Variants in CSNK2A1 observed in about 807,000 individuals in gnomAD.
CSNK2A1 encodes casein kinase 2 alpha 1, also known as casein kinase II subunit alpha.
A neutral mutation model predicts 62.9 loss-of-function variants in CSNK2A1; 10 were observed. The ratio of observed to expected loss-of-function variants is 0.16; its 90% CI spans 0.10 to 0.27. The LOEUF is 0.27. Ranked by LOEUF, CSNK2A1 falls within the 10% of genes least tolerant of loss-of-function variation. The pLI, the probability that CSNK2A1 is intolerant of heterozygous loss-of-function variation, is 1.00. For missense variants in CSNK2A1, 160 were observed against 492.0 expected, an observed-to-expected ratio of 0.33 and a Z score of 6.38; for synonymous variants, 124 against 167.8, an observed-to-expected ratio of 0.74 and a Z score of 2.02.
chr20:526,249 T>C (rs1313412751), intron 2 of CSNK2A1, among the ~76,000 whole-genome samples: 2 of 152,022 alleles, frequency 1.3e-5, no homozygotes, highest in Non-Finnish European at 2.9e-5. Context: ...AGGCAAAGGA[T>C]TGTCTGAGTC....
At chr20:531,849 G>T (rs2019219193) in intron 1 of CSNK2A1, among the ~76,000 whole-genome samples, 1 of 152,222 alleles carries the variant, frequency 6.6e-6, no homozygotes, top group Non-Finnish European at 1.5e-5. Flanking sequence ...GTAGCATTCA[G>T]AGTTAGTCAG....
intron 2 of CSNK2A1, chr20:527,001 C>CACAGAGAG (rs2019107407): frequency 1.0e-5 from 1 of 97,812 alleles, no homozygotes; most frequent in South Asian, 4.1e-4. Flanking sequence ...GAGAGACAGA[C>CACAGAGAG]AGAGAGAGAG....
intron 2 of CSNK2A1, among the ~76,000 whole-genome samples, chr20:525,772 A>G (rs2019072480): frequency 6.9e-6 from 1 of 144,762 alleles, no homozygotes; most frequent in African/African-American, 2.5e-5. Context: ...TGAGCTCAGG[A>G]GTTTGGAGAC....
At chr20:496,593 A>T (rs2018351421) in intron 7 of CSNK2A1, 1 of 152,176 alleles carries the variant, frequency 6.6e-6, no homozygotes, top group African/African-American at 2.4e-5. Flanking sequence ...GGGCAATCAT[A>T]TCTGTAACTT....
chr20:500,822 A>ATTTT (rs2018451309), intron 4 of CSNK2A1: 7 of 151,872 alleles, frequency 4.6e-5, no homozygotes, highest in Non-Finnish European at 1.0e-4. Context: ...TATTTTTAGT[A>ATTTT]GAGACGGGGT....
chr20:493,776 G>C (rs960194279), intron 8 of CSNK2A1, among the ~76,000 whole-genome samples: 11 of 152,222 alleles, frequency 7.2e-5, no homozygotes, highest in African/African-American at 2.6e-4. Context: ...CTGTGTGTTA[G>C]CCCAACCCCT....
intron 1 of CSNK2A1, among the ~76,000 whole-genome samples, chr20:532,766 G>A (rs759669980): frequency 2.6e-5 from 4 of 152,152 alleles, no homozygotes; most frequent in Non-Finnish European, 5.9e-5. Flanking sequence ...TATTTCAAGA[G>A]ATACGCAATC....
chr20:486,091 T>C (rs2018092164), intron 13 of CSNK2A1, among the ~76,000 whole-genome samples: 1 of 152,218 alleles, frequency 6.6e-6, no homozygotes, highest in South Asian at 2.1e-4. Context: ...TTTCAAACTA[T>C]AAGATGAAAT....
rs1555767215 is a variant in CSNK2A1 at position 518,695 on chromosome 20, C to CAT, written c.-110+9237_-110+9238insAT. 3.5e-5 allele frequency among the ~76,000 whole-genome samples: 5 copies of CAT among 144,502 alleles called. No homozygotes were observed. The East Asian group carries it at 6.4e-4, about 18-fold the overall frequency. The allele number at this position is 144,502 out of a possible 152,430, so 94.8% of individuals were successfully genotyped here. On this transcript the variant is annotated intron_variant, in intron 2 of 13. Coordinates refer to ENST00000217244, the MANE Select transcript of CSNK2A1 (RefSeq NM_177559.3). ...CCGAGTAGCTGGGACTACAGGAGTC[C>CAT]GCCACCACGCCCGGCTAATTTTTTT...
chr20:537,496 G>GAA (rs33977111), intron 1 of CSNK2A1, among the ~76,000 whole-genome samples: 6 of 144,602 alleles, frequency 4.1e-5, no homozygotes, highest in African/African-American at 1.5e-4. Context: ...TTCTACATGT[G>GAA]AAAAAAAAAA....
rs946108650 is a variant in CSNK2A1 at position 514,877 on chromosome 20, T to A, written c.-109-6217A>T. ...ATTTTTGGTTTGATTCTTCCCTACATTCCTGATTTTGTCCATCCCTTAAAT... is the reference window on the plus strand; with the variant it reads ...ATTTTTGGTTTGATTCTTCCCTACAATCCTGATTTTGTCCATCCCTTAAAT... On this transcript the variant is annotated intron_variant, in intron 2 of 13. Transcript: ENST00000217244. 2.0e-5 allele frequency among the ~76,000 whole-genome samples: 3 copies of A among 152,212 alleles called. No homozygotes were observed. In the East Asian group the frequency reaches 5.8e-4, roughly 29 times the overall value.
intron 4 of CSNK2A1, chr20:503,803 T>C (rs1307535965): frequency 1.5e-5 from 6 of 397,564 alleles, no homozygotes; most frequent in Non-Finnish European, 2.2e-5. Context: ...TAACAAATTA[T>C]AGTTATATAA....
intron 4 of CSNK2A1, chr20:500,610 C>T (rs1314275942): frequency 6.6e-6 from 1 of 151,164 alleles, no homozygotes; most frequent in African/African-American, 2.4e-5. Context: ...ATAATAATAA[C>T]TGTCTAGCCT....
intron 4 of CSNK2A1, chr20:504,555 T>C (rs2018537041): frequency 6.6e-6 from 1 of 152,278 alleles, no homozygotes; most frequent in Non-Finnish European, 1.5e-5. Flanking sequence ...GGCTTTTATT[T>C]GCAAAACAGA....
rs1194927290 is a variant in CSNK2A1 at position 483,543 on chromosome 20, G to A, written c.*418C>T. 1 of 152,920 alleles carries A rather than the reference G, an allele frequency of 6.5e-6. No homozygotes were observed. Among genetic ancestry groups the A allele is most frequent in the East Asian group, 1.9e-4 (1 of 5,192 alleles). 9.5% of individuals were successfully genotyped at this position (152,920 alleles called of 1,614,324 possible). A position where few individuals can be genotyped will look rare whatever the true frequency, so the allele number is the denominator to read the frequency against. On this transcript the variant is annotated 3_prime_UTR_variant, in exon 14 of 14. Transcript: ENST00000217244. Reference sequence around the variant, plus strand: ...ACATTTTTGTAATCTCTGGAGAAGAGCACGAGATACCAACCCCCTAAAGTG... The same window carrying A: ...ACATTTTTGTAATCTCTGGAGAAGAACACGAGATACCAACCCCCTAAAGTG...
At chr20:520,975 TGG>T (rs956116896) in intron 2 of CSNK2A1, among the ~76,000 whole-genome samples, 3 of 151,928 alleles carry the variant, frequency 2.0e-5, no homozygotes, top group Admixed American at 1.3e-4. Context: ...ACTCTACCTC[TGG>T]GGGGGAAAAA....
intron 1 of CSNK2A1, chr20:539,469 C>T (rs893001455): frequency 1.3e-5 from 2 of 152,192 alleles, no homozygotes; most frequent in Non-Finnish European, 2.9e-5. Context: ...CCTTCTCATG[C>T]TTCAAATTTG....
At chr20:511,268 A>G (rs1328358640) in intron 2 of CSNK2A1, among the ~76,000 whole-genome samples, 1 of 152,088 alleles carries the variant, frequency 6.6e-6, no homozygotes, top group Non-Finnish European at 1.5e-5. Flanking sequence ...AGAGACCAGG[A>G]AGTCGAGGCT....
At chr20:501,021 T>A (rs2018456535) in intron 4 of CSNK2A1, 2 of 151,858 alleles carry the variant, frequency 1.3e-5, no homozygotes, top group East Asian at 3.9e-4. Context: ...ATCCTTTTCA[T>A]TTTTTTCTGA....
Sources: gnomAD v4.1 joint callset for allele counts (sites outside exome capture counted in the v4.1 genomes callset) on GRCh38, gnomAD v4.1.1 for gene constraint, MANE v1.5 for transcripts, NCBI Gene and HGNC (gene_info 2026-07-23, HGNC 2026-07-21) for gene names.